Variants in PSEN1 observed in about 807,000 individuals in gnomAD.
The protein encoded by PSEN1 is presenilin-1.
In PSEN1, 15 loss-of-function variants were observed where a neutral mutation model predicts 53.5. That is an observed-to-expected ratio of 0.28 (90% CI 0.19 to 0.43). The LOEUF (loss-of-function observed/expected upper bound fraction) is 0.43, where lower values mean the gene tolerates loss of function less well. PSEN1 is among the 20% of genes least tolerant of loss of function. PSEN1 has a pLI of 1.00. For missense variants in PSEN1, 387 were observed against 571.2 expected, an observed-to-expected ratio of 0.68 and a Z score of 3.29; for synonymous variants, 208 against 209.8, an observed-to-expected ratio of 0.99 and a Z score of 0.08.
intron 11 of PSEN1, among the ~76,000 whole-genome samples, chr14:73,217,470 C>T (rs1304952830): frequency 6.6e-6 from 1 of 152,186 alleles, no homozygotes; most frequent in Non-Finnish European, 1.5e-5. Flanking sequence ...GATATTCTTA[C>T]TCAATTTAAT....
chr14:73,151,156 G>A (rs1212441037), intron 3 of PSEN1, among the ~76,000 whole-genome samples: 1 of 152,188 alleles, frequency 6.6e-6, no homozygotes, highest in Admixed American at 6.5e-5. Context: ...TTGCAAAAGA[G>A]ACATTCCTAT....
chr14:73,208,191 G>A (rs74061003), intron 9 of PSEN1, among the ~76,000 whole-genome samples: 1,734 of 152,206 alleles, frequency 0.011, 31 homozygotes, highest in African/African-American at 0.037. Flanking sequence ...TCTCCTTCTC[G>A]CCACCTGCAA....
At chr14:73,162,223 A>C (rs1010594504) in intron 3 of PSEN1, among the ~76,000 whole-genome samples, 11 of 151,484 alleles carry the variant, frequency 7.3e-5, no homozygotes, top group Admixed American at 6.6e-5. Flanking sequence ...TAAATGAAAA[A>C]GCACTCAACC....
chr14:73,176,724 A>C (rs556049537), intron 5 of PSEN1, among the ~76,000 whole-genome samples: 18 of 152,172 alleles, frequency 1.2e-4, no homozygotes, highest in Non-Finnish European at 7.3e-5. Context: ...GTTTTAATTA[A>C]ACACTAGTTC....
At chr14:73,202,597 C>G (rs1377654207) in intron 8 of PSEN1, among the ~76,000 whole-genome samples, 1 of 147,072 alleles carries the variant, frequency 6.8e-6, no homozygotes, top group African/African-American at 2.5e-5. Context: ...CTCAGCCTCC[C>G]GAGTAGCTGG....
At chr14:73,149,927 G>A (rs17781801) in intron 3 of PSEN1, among the ~76,000 whole-genome samples, 8,535 of 152,276 alleles carry the variant, frequency 0.056, 325 homozygotes, top group Non-Finnish European at 0.088. Flanking sequence ...ATACTGTGAC[G>A]AGCTGCTATA....
rs559067827 is a variant in PSEN1 at position 73,193,359 on chromosome 14, A to G, written c.769+495A>G. 2.5e-3 allele frequency among the ~76,000 whole-genome samples: 384 copies of G among 151,904 alleles called. 2 individuals are homozygous for G. Among genetic ancestry groups the G allele is most frequent in the African/African-American group, 8.9e-3 (368 of 41,444 alleles). On this transcript the variant is annotated intron_variant, in intron 7 of 11. Transcript: ENST00000324501. ...TTTTGAGGTTTTGACAAGCTGGCCA[A>G]TATGGTGAAACCCCGTCTCTACTAA...
At chr14:73,209,028 G>A (rs919087276) in intron 9 of PSEN1, 15 of 352,854 alleles carry the variant, frequency 4.3e-5, no homozygotes, top group Admixed American at 1.8e-4. Flanking sequence ...CCAAGCGCCC[G>A]CACACCCGGC....
chr14:73,166,845 G>A (rs1897731371), intron 3 of PSEN1, among the ~76,000 whole-genome samples: 1 of 152,072 alleles, frequency 6.6e-6, no homozygotes, highest in Non-Finnish European at 1.5e-5. Flanking sequence ...ATAGGGTTTG[G>A]ATCTTCATAA....
At chr14:73,193,576 A>G (rs2140095492) in intron 7 of PSEN1, among the ~76,000 whole-genome samples, 2 of 151,822 alleles carry the variant, frequency 1.3e-5, no homozygotes, top group Non-Finnish European at 2.9e-5. Flanking sequence ...CAAAAAAAAA[A>G]AAGCACAAGC....
chr14:73,184,104 T>C (rs1595018276), intron 5 of PSEN1, among the ~76,000 whole-genome samples: 1 of 95,264 alleles, frequency 1.0e-5, no homozygotes, highest in South Asian at 4.1e-4. Flanking sequence ...GGCGGGGGGC[T>C]GACCCCCCCC....
intron 5 of PSEN1, among the ~76,000 whole-genome samples, chr14:73,182,529 T>C (rs1472872761): frequency 6.6e-6 from 1 of 151,482 alleles, no homozygotes; most frequent in East Asian, 1.9e-4. Flanking sequence ...ATTTGGGGGC[T>C]CCTAGAAGGT....
intron 9 of PSEN1, among the ~76,000 whole-genome samples, chr14:73,209,076 C>T (rs2140130308): frequency 6.6e-6 from 1 of 152,368 alleles, no homozygotes; most frequent in African/African-American, 2.4e-5. Context: ...CACAACTTTG[C>T]TCTGAAATCG....
intron 3 of PSEN1, among the ~76,000 whole-genome samples, chr14:73,148,884 C>T (rs1050561300): frequency 6.6e-6 from 1 of 151,896 alleles, no homozygotes; most frequent in Non-Finnish European, 1.5e-5. Flanking sequence ...AGTGAGCTGA[C>T]GTCGCGCCAT....
At chr14:73,169,955 A>T (rs1021299623) in intron 3 of PSEN1, among the ~76,000 whole-genome samples, 3 of 152,194 alleles carry the variant, frequency 2.0e-5, no homozygotes, top group Admixed American at 6.5e-5. Flanking sequence ...TATATGCTAA[A>T]CAAGGGGTGG....
intron 3 of PSEN1, 49 bp from the exon 4 acceptor site, chr14:73,170,748 A>G: frequency 3.1e-6 from 5 of 1,607,034 alleles, no homozygotes; most frequent in Non-Finnish European, 4.3e-6. Context: ...CGTTACCTTG[A>G]TTCTGCTGAG....
At position 73,191,557 on chromosome 14, in the gene PSEN1, TC is replaced by T. The variant is rs201501112; in HGVS notation, c.549-1086del. The stretch of plus-strand genomic sequence containing the variant: ...ACGTACATATATTTTTTTTTTCTTT[TC>T]TTTTTTAGTTTTAGGGTCTTGCTGT... On this transcript the variant is annotated intron_variant, in intron 6 of 11. Transcript: ENST00000324501. 5.9e-3 allele frequency among the ~76,000 whole-genome samples: 902 copies of T among 152,238 alleles called. 12 individuals carry two copies. Among genetic ancestry groups the T allele is most frequent in the African/African-American group, 0.021 (855 of 41,542 alleles).
In PSEN1 at chr14:73,220,368, TA is replaced by T. The variant is rs1167737998; in HGVS notation, c.*1080del. ...AAATGAGATGTATGCCCAAAGACGGTAGAATTAAAGAAGAGTAAAATGGCTG... is the reference window on the plus strand; with the variant it reads ...AAATGAGATGTATGCCCAAAGACGGTGAATTAAAGAAGAGTAAAATGGCTG... On this transcript the variant is annotated 3_prime_UTR_variant, in exon 12 of 12. Coordinates refer to ENST00000324501, the MANE Select transcript of PSEN1 (RefSeq NM_000021.4). 1 of 152,560 alleles carries T rather than the reference TA, an allele frequency of 6.6e-6. No individual in the cohort carries two copies. Among genetic ancestry groups the T allele is most frequent in the African/African-American group, 2.4e-5 (1 of 41,404 alleles). The allele number at this position is 152,560 out of a possible 1,614,324, so 9.5% of individuals were successfully genotyped here. A position where few individuals can be genotyped will look rare whatever the true frequency, so the allele number is the denominator to read the frequency against.
chr14:73,148,074 G>A lies in PSEN1; in HGVS notation c.55G>A (p.Asp19Asn), dbSNP rs1555350551. The A allele has an allele frequency of 6.2e-7, 1 of 1,613,974 alleles. No individual in the cohort carries two copies. Residue 19 changes from aspartate to asparagine, a missense_variant, in exon 3 of 12, where the codon GAC becomes AAC. Coordinates refer to ENST00000324501, the MANE Select transcript of PSEN1 (RefSeq NM_000021.4). ...SYFQNAQMSE[D>N]NHLSNTVRSQ... is the part of the protein sequence containing the mutation. ...CTTCCAGAATGCACAGATGTCTGAG[G>A]ACAACCACCTGAGCAATACTGTACG... is the stretch of plus-strand genomic sequence containing the variant.
Sources: gnomAD v4.1 joint callset for allele counts (sites outside exome capture counted in the v4.1 genomes callset) on GRCh38, gnomAD v4.1.1 for gene constraint, MANE v1.5 for transcripts, NCBI Gene and HGNC (gene_info 2026-07-23, HGNC 2026-07-21) for gene names.